Variants in PTPRT observed in about 807,000 individuals in gnomAD.
The protein encoded by PTPRT is receptor-type tyrosine-protein phosphatase T.
Under a neutral mutation model 176.8 loss-of-function variants are expected in PTPRT, and 56 were observed. The observed-to-expected ratio is 0.32, with a 90% confidence interval of 0.26 to 0.40. The LOEUF is 0.40. Among genes scored for constraint, PTPRT ranks in the 10% least tolerant of loss-of-function variants. The pLI, the probability that PTPRT is intolerant of heterozygous loss-of-function variation, is 1.00. For synonymous variants in PTPRT, 783 were observed against 739.0 expected (o/e 1.06, Z -0.96); for missense variants, 1,540 against 1,908.2 (o/e 0.81, Z 3.60).
At chr20:42,200,061 T>TACACAC (rs3086759) in intron 15 of PTPRT, among the ~76,000 whole-genome samples, 12,656 of 140,384 alleles carry the variant, frequency 0.09, 597 homozygotes, top group East Asian at 0.18. Context: ...CACAAAAAAA[T>TACACAC]ACACACACAC....
At chr20:42,954,419 G>T (rs1981486376) in intron 1 of PTPRT, among the ~76,000 whole-genome samples, 1 of 152,118 alleles carries the variant, frequency 6.6e-6, no homozygotes, top group South Asian at 2.1e-4. Flanking sequence ...GGTCCAGGAG[G>T]ACAGCATCCC....
chr20:43,053,347 G>A (rs1987118412), intron 1 of PTPRT, among the ~76,000 whole-genome samples: 2 of 152,088 alleles, frequency 1.3e-5, no homozygotes, highest in South Asian at 4.1e-4. Context: ...TTGGTCCCTT[G>A]CCCCTGGGCT....
At chr20:42,187,049 A>G (rs568464898) in intron 16 of PTPRT, among the ~76,000 whole-genome samples, 31 of 152,160 alleles carry the variant, frequency 2.0e-4, no homozygotes, top group Admixed American at 5.2e-4. Flanking sequence ...TATGATTGGT[A>G]AGGTGAAAAG....
intron 1 of PTPRT, among the ~76,000 whole-genome samples, chr20:43,094,877 CAG>C (rs1007496190): frequency 6.6e-6 from 1 of 152,080 alleles, no homozygotes; most frequent in Non-Finnish European, 1.5e-5. Context: ...AAGGGGCTAA[CAG>C]GGGTGTGCAC....
the PTPRT span, among the ~76,000 whole-genome samples, chr20:42,064,860 A>C: frequency 5.9e-5 from 9 of 152,236 alleles, no homozygotes; most frequent in Non-Finnish European, 1.3e-4. Context: ...TGTAGAATCT[A>C]ACAAGTGATG....
At chr20:43,124,668 C>A (rs2146365703) in intron 1 of PTPRT, among the ~76,000 whole-genome samples, 1 of 152,354 alleles carries the variant, frequency 6.6e-6, no homozygotes, top group South Asian at 2.1e-4. Context: ...AACGATCCAA[C>A]AGATAGCTAC....
At chr20:42,769,062 C>T (rs561325564) in intron 5 of PTPRT, among the ~76,000 whole-genome samples, 1 of 152,210 alleles carries the variant, frequency 6.6e-6, no homozygotes, top group African/African-American at 2.4e-5. Flanking sequence ...CACTTGAACA[C>T]TAATCGTAAT....
chr20:42,874,591 G>A (rs987570338), intron 2 of PTPRT, among the ~76,000 whole-genome samples: 1 of 152,128 alleles, frequency 6.6e-6, no homozygotes, highest in East Asian at 1.9e-4. Flanking sequence ...TTGAAAAATA[G>A]AGAGTGGTTC....
intron 7 of PTPRT, among the ~76,000 whole-genome samples, chr20:42,541,608 T>C (rs889738511): frequency 1.3e-5 from 2 of 149,824 alleles, no homozygotes; most frequent in Admixed American, 6.7e-5. Flanking sequence ...AGTAGCCATA[T>C]AGGAAAAAAA....
At chr20:42,270,435 T>A (rs920322224) in intron 13 of PTPRT, 51 of 1,395,966 alleles carry the variant, frequency 3.7e-5, no homozygotes, top group Non-Finnish European at 4.6e-5. Flanking sequence ...CGGGGTCACC[T>A]GGGCGCTGCC....
chr20:42,970,025 G>A (rs1048022772), intron 1 of PTPRT, among the ~76,000 whole-genome samples: 2 of 152,150 alleles, frequency 1.3e-5, no homozygotes, highest in Non-Finnish European at 2.9e-5. Context: ...GCAGATGAAG[G>A]TTTACATCTA....
At chr20:42,762,560 C>T (rs1351607005) in intron 5 of PTPRT, among the ~76,000 whole-genome samples, 1 of 152,182 alleles carries the variant, frequency 6.6e-6, no homozygotes, top group Non-Finnish European at 1.5e-5. Context: ...GAGTTGTGGC[C>T]CCCAAACCCA....
chr20:42,282,347 T>A, intron 13 of PTPRT, 142 bp downstream of exon 13: 1 of 797,834 alleles, frequency 1.3e-6, no homozygotes, highest in Non-Finnish European at 2.0e-6. Flanking sequence ...GAATGTATGT[T>A]CTAGATGCAA....
chr20:42,702,999 G>T (rs536273087), intron 6 of PTPRT, among the ~76,000 whole-genome samples: 5 of 152,288 alleles, frequency 3.3e-5, no homozygotes, highest in Admixed American at 2.6e-4. Flanking sequence ...CCAGCAGCAG[G>T]GTATGATCAG....
chr20:42,960,031 C>A (rs1238977387), intron 1 of PTPRT, among the ~76,000 whole-genome samples: 2 of 152,156 alleles, frequency 1.3e-5, no homozygotes, highest in Non-Finnish European at 2.9e-5. Context: ...TCCCTCCCAT[C>A]ATCTACTCAC....
At chr20:42,756,893 TTTTAAAAAATAGCCAGGCATGG>T (rs1569137195) in intron 5 of PTPRT, among the ~76,000 whole-genome samples, 2 of 151,630 alleles carry the variant, frequency 1.3e-5, no homozygotes, top group Non-Finnish European at 2.9e-5. Flanking sequence ...CTACAAGAAA[TTTTAAAAAATAGCCAGGCATGG>T]TGGCACTCAT....
At chr20:42,739,402 T>C (rs1048060317) in intron 6 of PTPRT, among the ~76,000 whole-genome samples, 2 of 152,002 alleles carry the variant, frequency 1.3e-5, no homozygotes, top group African/African-American at 4.8e-5. Context: ...AGGAACTGTT[T>C]TTCAGGAGGG....
intron 7 of PTPRT, among the ~76,000 whole-genome samples, chr20:42,566,675 C>T (rs2073045365): frequency 6.6e-6 from 1 of 152,158 alleles, no homozygotes; most frequent in African/African-American, 2.4e-5. Context: ...CTGCTGTCCA[C>T]CTAGGTGACC....
chr20:42,717,401 A>C (rs568989265), intron 6 of PTPRT, among the ~76,000 whole-genome samples: 2 of 152,238 alleles, frequency 1.3e-5, no homozygotes, highest in East Asian at 3.9e-4. Flanking sequence ...AACTGAAATC[A>C]GCTGGGGAAA....
Sources: allele counts gnomAD v4.1 joint callset (sites outside exome capture counted in the v4.1 genomes callset), GRCh38; gene constraint gnomAD v4.1.1; transcripts MANE v1.5; gene names NCBI Gene and HGNC (gene_info 2026-07-23, HGNC 2026-07-21).